NRXN3: variants seen among roughly 807,000 people sequenced by gnomAD.
NRXN3 encodes neurexin 3.
A neutral mutation model predicts 137.6 loss-of-function variants in NRXN3; 32 were observed. That is an observed-to-expected ratio of 0.23 (90% CI 0.18 to 0.31). NRXN3 has a LOEUF of 0.31. NRXN3 is among the 10% of genes least tolerant of loss of function. The pLI is 1.00. For missense variants in NRXN3, 1,574 were observed against 2,062.5 expected (o/e 0.76, Z 4.59); for synonymous variants, 798 against 784.5 (o/e 1.02, Z -0.29).
intron 16 of NRXN3, among the ~76,000 whole-genome samples, chr14:79,535,127 T>A (rs970029477): frequency 2.6e-5 from 4 of 152,174 alleles, no homozygotes; most frequent in Non-Finnish European, 5.9e-5. Flanking sequence ...TAAATTACGT[T>A]CTGCTGTATC....
intron 15 of NRXN3, among the ~76,000 whole-genome samples, chr14:79,252,008 T>A (rs1237800546): frequency 6.6e-6 from 1 of 152,154 alleles, no homozygotes; most frequent in East Asian, 1.9e-4. Context: ...AAATAAGGTC[T>A]TCCTATCTTC....
chr14:79,646,155 A>C (rs2153966117), intron 16 of NRXN3, among the ~76,000 whole-genome samples: 1 of 135,922 alleles, frequency 7.4e-6, no homozygotes, highest in South Asian at 2.3e-4. Flanking sequence ...TGACATGTGC[A>C]CTTTAGTTTC....
intron 4 of NRXN3, among the ~76,000 whole-genome samples, chr14:78,465,927 C>A (rs1324347985): frequency 6.6e-6 from 1 of 151,984 alleles, no homozygotes; most frequent in Non-Finnish European, 1.5e-5. Context: ...TCTCGGCTCA[C>A]TGCAAACTCC....
chr14:79,356,514 C>T (rs975652381), intron 15 of NRXN3, among the ~76,000 whole-genome samples: 1 of 152,104 alleles, frequency 6.6e-6, no homozygotes, highest in Non-Finnish European at 1.5e-5. Context: ...TCAAATTCAT[C>T]CACAGTCTCA....
Position 78,723,974 on chromosome 14 carries a change from G to A in NRXN3, c.2044+8835G>A, listed in dbSNP as rs575491124. Among the ~76,000 whole-genome samples the A allele has an allele frequency of 3.3e-4, 50 of 152,192 alleles. 1 individual carries two copies. In the South Asian group the frequency reaches 9.3e-3, roughly 28 times the overall value. ...TAAAATGTGACTCTTTTGTAATCCC[G>A]GGTTTTAAAGAATTGCATTAAAATG... On this transcript the variant is annotated intron_variant, in intron 8 of 20. Coordinates refer to ENST00000335750, the MANE Select transcript of NRXN3 (RefSeq NM_001330195.2).
chr14:78,365,402 A>G (rs768436076), intron 4 of NRXN3, among the ~76,000 whole-genome samples: 25 of 152,214 alleles, frequency 1.6e-4, no homozygotes, highest in Non-Finnish European at 3.2e-4. Flanking sequence ...CCATGCAGAC[A>G]TTCAGATCCT....
At chr14:78,506,643 GTTTTTTT>G (rs71131653) in intron 4 of NRXN3, among the ~76,000 whole-genome samples, 4 of 105,410 alleles carry the variant, frequency 3.8e-5, no homozygotes, top group Non-Finnish European at 7.9e-5. Context: ...TCTCATTGTA[GTTTTTTT>G]TTTTTTTTTT....
chr14:79,315,934 G>A (rs1289228396), intron 15 of NRXN3, among the ~76,000 whole-genome samples: 2 of 152,146 alleles, frequency 1.3e-5, no homozygotes, highest in Admixed American at 1.3e-4. Context: ...TGGGGAGATG[G>A]TTAAATAAGA....
At chr14:79,275,816 T>C (rs1476702284) in intron 15 of NRXN3, among the ~76,000 whole-genome samples, 2 of 152,060 alleles carry the variant, frequency 1.3e-5, no homozygotes, top group East Asian at 3.9e-4. Context: ...TTTTTTAAAA[T>C]TGTATTCCAT....
chr14:79,549,194 T>G (rs2153746110), intron 16 of NRXN3, among the ~76,000 whole-genome samples: 1 of 152,180 alleles, frequency 6.6e-6, no homozygotes, highest in Non-Finnish European at 1.5e-5. Context: ...CAGGGATAGG[T>G]TTTATCTCAA....
chr14:78,281,933 C>T (rs1228711911), intron 3 of NRXN3, among the ~76,000 whole-genome samples: 2 of 152,158 alleles, frequency 1.3e-5, no homozygotes, highest in African/African-American at 4.8e-5. Context: ...ATTCCCAGCT[C>T]TTTGCACAGC....
chr14:78,259,964 T>TGCTGGG (rs2070408625), intron 2 of NRXN3, among the ~76,000 whole-genome samples: 1 of 152,186 alleles, frequency 6.6e-6, no homozygotes, highest in Non-Finnish European at 1.5e-5. Flanking sequence ...GCCCAGCTGG[T>TGCTGGG]ATGCGATGGG....
At chr14:79,082,725 A>T (rs764628727) in intron 15 of NRXN3, among the ~76,000 whole-genome samples, 1 of 152,184 alleles carries the variant, frequency 6.6e-6, no homozygotes, top group African/African-American at 2.4e-5. Context: ...TCAGGCATGA[A>T]TACTGGAAAT....
chr14:78,963,067 C>T (rs1334804522), intron 11 of NRXN3, among the ~76,000 whole-genome samples: 2 of 152,102 alleles, frequency 1.3e-5, no homozygotes. Flanking sequence ...TCCTGAACTC[C>T]CAGTTTGTGT....
chr14:78,469,297 A>T lies in NRXN3; in HGVS notation c.757+171437A>T, dbSNP rs140981555. Among the ~76,000 whole-genome samples the T allele has an allele frequency of 5.5e-4, 84 of 152,268 alleles. 1 individual carries two copies. The highest frequency in any genetic ancestry group is 1.3e-3 in the Admixed American group (20 of 15,300). ...CCTGGAAGCCTTATGAAAAATACTG[A>T]TGCCTGGGCCTCACTACCAAAGAAT... On this transcript the variant is annotated intron_variant, in intron 4 of 20. Coordinates refer to ENST00000335750, the MANE Select transcript of NRXN3 (RefSeq NM_001330195.2).
intron 9 of NRXN3, among the ~76,000 whole-genome samples, chr14:78,809,084 C>T (rs989334283): frequency 2.0e-5 from 3 of 152,120 alleles, no homozygotes; most frequent in African/African-American, 7.2e-5. Flanking sequence ...TGAGACCTTT[C>T]TCTGACCTTT....
At chr14:79,387,277 C>G (rs1309900992) in intron 15 of NRXN3, among the ~76,000 whole-genome samples, 4 of 152,090 alleles carry the variant, frequency 2.6e-5, no homozygotes, top group African/African-American at 7.2e-5. Flanking sequence ...ACAACCCCAT[C>G]AAAAAGTGGG....
At chr14:78,263,641 A>G (rs981757743) in intron 2 of NRXN3, among the ~76,000 whole-genome samples, 2 of 152,072 alleles carry the variant, frequency 1.3e-5, no homozygotes, top group Admixed American at 6.6e-5. Context: ...TATGTATTCT[A>G]TAGTGAAGAT....
At chr14:78,301,377 A>G (rs530086331) in intron 4 of NRXN3, among the ~76,000 whole-genome samples, 25 of 152,266 alleles carry the variant, frequency 1.6e-4, no homozygotes, top group Admixed American at 1.6e-3. Flanking sequence ...AGGCAGAGAA[A>G]AGGAGAGGGG....
Sources: allele counts gnomAD v4.1 joint callset (sites outside exome capture counted in the v4.1 genomes callset), GRCh38; gene constraint gnomAD v4.1.1; transcripts MANE v1.5; gene names NCBI Gene and HGNC (gene_info 2026-07-23, HGNC 2026-07-21).